The following PARD3B variants were observed in gnomAD, a reference collection of about 807,000 sequenced individuals.
PARD3B encodes par-3 family cell polarity regulator beta, also known as partitioning defective 3 homolog B.
Under a neutral mutation model 130.2 loss-of-function variants are expected in PARD3B, and 103 were observed. That is an observed-to-expected ratio of 0.79 (90% CI 0.67 to 0.93). The LOEUF (loss-of-function observed/expected upper bound fraction) is 0.93, where lower values mean the gene tolerates loss of function less well. Ranked by LOEUF, PARD3B falls within the 40% of genes least tolerant of loss-of-function variation. The probability of loss-of-function intolerance (pLI) is 0.00; values close to 1 mark genes in which losing one functional copy is unlikely to be tolerated. For synonymous variants in PARD3B, 583 were observed against 553.2 expected, an observed-to-expected ratio of 1.05 and a Z score of -0.76; for missense variants, 1,609 against 1,499.2, an observed-to-expected ratio of 1.07 and a Z score of -1.21.
chr2:205,553,450 G>C (rs1488093609), intron 22 of PARD3B, 47 bp downstream of exon 22: 1 of 1,560,176 alleles, frequency 6.4e-7, no homozygotes, highest in Non-Finnish European at 8.8e-7. Flanking sequence ...TACAAATGAA[G>C]TCTTTAGAGA....
intron 4 of PARD3B, among the ~76,000 whole-genome samples, chr2:205,062,710 GAAATT>G (rs1249737769): frequency 6.6e-6 from 1 of 152,160 alleles, no homozygotes; most frequent in African/African-American, 2.4e-5. Context: ...TTAGCAGAGA[GAAATT>G]AAGAAAAGAA....
In PARD3B at chr2:204,599,577, T is replaced by G. The variant is rs548384392; in HGVS notation, c.120+53458T>G. 2.6e-5 allele frequency among the ~76,000 whole-genome samples: 4 copies of G among 152,158 alleles called. No individual in the cohort carries two copies. In the South Asian group the frequency reaches 8.3e-4, roughly 31 times the overall value. ...GTGTATATATGCCACATTTTCTGTA[T>G]CAGTTCATCTTTCATTGGACTCCTA... On this transcript the variant is annotated intron_variant, in intron 1 of 22. Transcript: ENST00000406610.
rs1464105018 is a variant in PARD3B, at chr2:204,669,555, G to A, written c.121-16626G>A. 1.3e-5 allele frequency among the ~76,000 whole-genome samples: 2 copies of A among 152,072 alleles called. No homozygotes were observed. The highest frequency in any genetic ancestry group is 6.6e-5 in the Admixed American group (1 of 15,240). The stretch of plus-strand genomic sequence containing the variant: ...CTTGTTTGAATGGTTTAGTAGTTAC[G>A]ACATTGGCATTGTTAGGAATGACAA... On this transcript the variant is annotated intron_variant, in intron 1 of 22. Coordinates refer to ENST00000406610, the MANE Select transcript of PARD3B (RefSeq NM_001302769.2). The surrounding 1 kb of genome is among the most constrained non-coding windows in gnomAD (Gnocchi z 4.3).
At chr2:204,980,561 C>G (rs1206786449) in intron 3 of PARD3B, among the ~76,000 whole-genome samples, 2 of 152,114 alleles carry the variant, frequency 1.3e-5, no homozygotes, top group African/African-American at 4.8e-5. Context: ...ACCAAGTGAT[C>G]AAGATTATTA....
chr2:205,317,663 CTT>C (rs768664901), intron 18 of PARD3B, among the ~76,000 whole-genome samples: 34 of 152,030 alleles, frequency 2.2e-4, no homozygotes. Flanking sequence ...CCTCACCATT[CTT>C]TGTTTACATG....
chr2:204,685,296 A>G (rs1217425555), intron 1 of PARD3B, among the ~76,000 whole-genome samples: 1 of 152,164 alleles, frequency 6.6e-6, no homozygotes, highest in Non-Finnish European at 1.5e-5. Context: ...TCTAAGACTC[A>G]CAGAACCAAA....
Position 204,970,973 on chromosome 2 carries a change from G to A in PARD3B, c.394+5650G>A, listed in dbSNP as rs138261489. Among the ~76,000 whole-genome samples, 89 of 152,240 alleles carry A rather than the reference G, an allele frequency of 5.8e-4. No individual in the cohort carries two copies. In the East Asian group the frequency reaches 0.015, roughly 26 times the overall value. The stretch of plus-strand genomic sequence containing the variant: ...TGTGTGTTTGTGATTCTTCAAAACC[G>A]AAATGGAAATTATGATTATGTGTTT... On this transcript the variant is annotated intron_variant, in intron 3 of 22. Coordinates refer to ENST00000406610, the MANE Select transcript of PARD3B (RefSeq NM_001302769.2).
At chr2:205,484,069 C>T (rs1171240878) in intron 20 of PARD3B, among the ~76,000 whole-genome samples, 1 of 152,064 alleles carries the variant, frequency 6.6e-6, no homozygotes, top group Non-Finnish European at 1.5e-5. Context: ...GGAAAAATAC[C>T]ACGGACAATA....
chr2:205,390,313 G>A (rs1013655020), intron 18 of PARD3B, among the ~76,000 whole-genome samples: 30 of 150,054 alleles, frequency 2.0e-4, no homozygotes, highest in Non-Finnish European at 3.5e-4. Flanking sequence ...AAAAAAAAAA[G>A]CTCTAGTTAT....
chr2:204,972,074 CTAGT>C (rs1300130534), intron 3 of PARD3B, among the ~76,000 whole-genome samples: 24 of 152,028 alleles, frequency 1.6e-4, no homozygotes, highest in Non-Finnish European at 2.8e-4. Context: ...GCCAGTGGTA[CTAGT>C]TAAAGAATAA....
intron 21 of PARD3B, among the ~76,000 whole-genome samples, chr2:205,552,869 A>G (rs2052711977): frequency 6.6e-6 from 1 of 152,232 alleles, no homozygotes; most frequent in African/African-American, 2.4e-5. Context: ...ACAATAATGT[A>G]TCAATATGGA....
At chr2:205,304,817 T>C (rs1237597357) in intron 18 of PARD3B, among the ~76,000 whole-genome samples, 1 of 152,068 alleles carries the variant, frequency 6.6e-6, no homozygotes, top group Non-Finnish European at 1.5e-5. Context: ...TGGTGGCATG[T>C]GCCTATAGTC....
At chr2:205,389,626 G>A (rs2045781618) in intron 18 of PARD3B, among the ~76,000 whole-genome samples, 1 of 152,252 alleles carries the variant, frequency 6.6e-6, no homozygotes, top group Non-Finnish European at 1.5e-5. Context: ...TTACAGGCAT[G>A]AGCCACTGCG....
chr2:205,614,470 G>A (rs902502039), intron 22 of PARD3B, among the ~76,000 whole-genome samples: 7 of 152,052 alleles, frequency 4.6e-5, no homozygotes, highest in Admixed American at 2.0e-4. Context: ...TTGGGATGCC[G>A]AGCCAGGCAG....
chr2:205,392,637 T>C (rs1295119416), intron 18 of PARD3B, among the ~76,000 whole-genome samples: 2 of 152,170 alleles, frequency 1.3e-5, no homozygotes, highest in Non-Finnish European at 2.9e-5. Flanking sequence ...GAGTTTGTCG[T>C]TCGTTATTAA....
chr2:205,008,054 A>G (rs1695420513), intron 3 of PARD3B, among the ~76,000 whole-genome samples: 1 of 152,186 alleles, frequency 6.6e-6, no homozygotes, highest in Non-Finnish European at 1.5e-5. Flanking sequence ...AAGAGCTTCA[A>G]TAACAAAAAC....
intron 19 of PARD3B, among the ~76,000 whole-genome samples, chr2:205,408,560 TA>T (rs1212716711): frequency 1.3e-5 from 2 of 152,170 alleles, no homozygotes; most frequent in African/African-American, 4.8e-5. Flanking sequence ...TACACACATA[TA>T]ACGCTCCTAA....
At chr2:204,699,982 C>T (rs1418034602) in intron 2 of PARD3B, among the ~76,000 whole-genome samples, 1 of 152,052 alleles carries the variant, frequency 6.6e-6, no homozygotes, top group Non-Finnish European at 1.5e-5. Context: ...GAAAATGTAT[C>T]AAGTTGGTCT....
chr2:205,025,941 G>A (rs994798224), intron 3 of PARD3B, among the ~76,000 whole-genome samples: 2 of 152,102 alleles, frequency 1.3e-5, no homozygotes. Flanking sequence ...CTTAACCTAC[G>A]CCTGTCACAA....
Sources: gnomAD v4.1 joint callset for allele counts (sites outside exome capture counted in the v4.1 genomes callset) on GRCh38, gnomAD v4.1.1 for gene constraint, Gnocchi (gnomAD v3.1) non-coding constraint, MANE v1.5 for transcripts, NCBI Gene and HGNC (gene_info 2026-07-23, HGNC 2026-07-21) for gene names.